HUWE1: variants seen among roughly 807,000 people sequenced by gnomAD.
The protein encoded by HUWE1 is HECT, UBA and WWE domain containing E3 ubiquitin protein ligase 1, also known as E3 ubiquitin-protein ligase HUWE1.
Under a neutral mutation model 299.4 loss-of-function variants are expected in HUWE1, and 18 were observed. The observed-to-expected ratio is 0.06, with a 90% CI of 0.04 to 0.09. HUWE1 has a LOEUF of 0.09. HUWE1 is among the 10% of genes least tolerant of loss of function. HUWE1 has a pLI of 1.00. For synonymous variants in HUWE1, 1,317 were observed against 1,286.1 expected (o/e 1.02, Z -0.51); for missense variants, 1,832 against 3,462.3 (o/e 0.53, Z 11.82).
At position 53,534,391 on chromosome X, in the gene HUWE1, T is replaced by C. The variant is rs2060910801; in HGVS notation, c.12831+125A>G. The C allele has an allele frequency of 7.2e-6, 5 of 693,344 alleles. No homozygotes were observed. The East Asian group carries it at 1.7e-4, about 23-fold the overall frequency. The allele number at this position is 693,344 out of a possible 1,213,427, so 57.1% of individuals were successfully genotyped here. The stretch of plus-strand genomic sequence containing the variant: ...TGCTTCAGGAGAACAAAGAGTTAGA[T>C]ATAGGTAGACTGTCTTCTACATGCA... On this transcript the variant is annotated intron_variant, in intron 82 of 83. Transcript: ENST00000262854.
At chrX:53,614,059 G>A (rs1272209353) in intron 23 of HUWE1, among the ~76,000 whole-genome samples, 1 of 111,225 alleles carries the variant, frequency 9.0e-6, no homozygotes, top group African/African-American at 3.3e-5. Context: ...GACGTCGGGA[G>A]TTTGAGATTA....
intron 50 of HUWE1, 150 bp downstream of exon 50, chrX:53,564,917 C>T: frequency 1.3e-6 from 1 of 797,858 alleles, no homozygotes; most frequent in Non-Finnish European, 1.9e-6. Context: ...TGAAGGAATT[C>T]TTTGTGGGGC....
At position 53,584,238 on chromosome X, in the gene HUWE1, C is replaced by A; in HGVS notation, c.5109G>T (p.Thr1703=). 1.7e-6 allele frequency: 2 copies of A among 1,207,757 alleles called. No homozygotes were observed. The highest frequency in any genetic ancestry group is 2.2e-6 in the Non-Finnish European group (2 of 891,964). ...KNSNGQELEK[T]LEESKEMDIK... is the part of the protein sequence containing the mutation. ...TATCCATTTCTTTGCTTTCTTCCAG[C>A]GTCTTCTCTAGTTCCTGTCCATTGC... Residue 1703 remains threonine (T), a synonymous_variant, in exon 41 of 84, where the codon ACG becomes ACT. Transcript: ENST00000262854.
At position 53,590,891 on chromosome X, in the gene HUWE1, T is replaced by C. The variant is rs1345989936; in HGVS notation, c.4095+109A>G. 8 of 961,224 alleles carry C rather than the reference T, an allele frequency of 8.3e-6. No individual in the cohort carries two copies. The African/African-American group carries it at 1.3e-4, about 16-fold the overall frequency. 79.2% of individuals were successfully genotyped at this position (961,224 alleles called of 1,213,427 possible). On this transcript the variant is annotated intron_variant, in intron 34 of 83. Coordinates refer to ENST00000262854, the MANE Select transcript of HUWE1 (RefSeq NM_031407.7). ...ATACTGGCATGGACATGTCTGAAAA[T>C]GAGAAGCAGTTTATAGAAAGGAAGA...
intron 39 of HUWE1, among the ~76,000 whole-genome samples, chrX:53,585,702 G>A (rs2063825226): frequency 9.0e-6 from 1 of 111,640 alleles, no homozygotes; most frequent in Non-Finnish European, 1.9e-5. Flanking sequence ...TTTTTTTGGA[G>A]ACAGGGTCTG....
chrX:53,577,755 C>T (rs868970018), intron 43 of HUWE1, among the ~76,000 whole-genome samples: 471 of 114,459 alleles, frequency 4.1e-3, no homozygotes, highest in African/African-American at 0.014. Context: ...AGCTCCTAAC[C>T]GCGAGTGATC....
chrX:53,628,464 TAAAAA>T, intron 15 of HUWE1, 24 bp downstream of exon 15: 3 of 1,054,706 alleles, frequency 2.8e-6, no homozygotes, highest in Admixed American at 6.8e-5. Flanking sequence ...CCATGTAGTT[TAAAAA>T]AAAAAAAAAA....
At position 53,536,243 on chromosome X, in the gene HUWE1, A is replaced by G; in HGVS notation, c.12435T>C (p.Asp4145=). 1 of 1,177,834 alleles carries G rather than the reference A, an allele frequency of 8.5e-7. No individual in the cohort carries two copies. Residue 4145 remains aspartate (D), a synonymous_variant, in exon 80 of 84, where the codon GAT becomes GAC. Transcript: ENST00000262854. ...HILGKSVRYT[D]MESEDYHFYQ... ...AGAAGTGGTAATCTTCACTCTCCAT[A>G]TCTGTATATCTAGAAAAACACAATT... is the stretch of plus-strand genomic sequence containing the variant.
chrX:53,607,458 A>G (rs1193257534), intron 25 of HUWE1, 65 bp downstream of exon 25: 6 of 1,010,049 alleles, frequency 5.9e-6, no homozygotes, highest in Non-Finnish European at 8.4e-6. Context: ...AAAAACATAT[A>G]TACAGAAGTA....
intron 4 of HUWE1, among the ~76,000 whole-genome samples, chrX:53,651,551 T>C (rs1156918021): frequency 4.5e-5 from 5 of 112,138 alleles, no homozygotes; most frequent in African/African-American, 1.6e-4. Flanking sequence ...TCGATGTAAA[T>C]AGCTGTTACA....
intron 17 of HUWE1, among the ~76,000 whole-genome samples, chrX:53,626,269 C>T (rs782712500): frequency 8.6e-5 from 9 of 104,503 alleles, no homozygotes; most frequent in African/African-American, 2.9e-4. Flanking sequence ...ATTAACAATC[C>T]TACAGAAGTC....
At chrX:53,589,512 A>G (rs782435679) in intron 36 of HUWE1, 35 bp downstream of exon 36, 4 of 1,198,500 alleles carry the variant, frequency 3.3e-6, no homozygotes, top group Middle Eastern at 2.3e-4. Context: ...AAACCACTTC[A>G]CATACTCCCC....
At chrX:53,600,071 T>C (rs1211410201) in intron 29 of HUWE1, 47 bp downstream of exon 29, 8 of 1,098,832 alleles carry the variant, frequency 7.3e-6, no homozygotes, top group Non-Finnish European at 8.8e-6. Context: ...GTTTCAAGAC[T>C]AAGGGACTGA....
rs143108437 is a variant in HUWE1 at position 53,551,968 on chromosome X, T to C, written c.8881+343A>G. 1.9e-3 allele frequency among the ~76,000 whole-genome samples: 216 copies of C among 111,853 alleles called. 2 individuals carry two copies. Among genetic ancestry groups the C allele is most frequent in the Non-Finnish European group, 3.7e-3 (195 of 53,150 alleles). ...CCTGGGCTCAGAACAGCTTTTGTTA[T>C]TTGCTAGACTGCATGCACTGTTACT... On this transcript the variant is annotated intron_variant, in intron 63 of 83. Coordinates refer to ENST00000262854, the MANE Select transcript of HUWE1 (RefSeq NM_031407.7).
At position 53,686,272 on chromosome X, in the gene HUWE1, C is replaced by T. The variant is rs954171709; in HGVS notation, c.-165G>A. 2.6e-5 allele frequency: 3 copies of T among 113,322 alleles called. No homozygotes were observed. The highest frequency in any genetic ancestry group is 5.6e-5 in the Non-Finnish European group (3 of 53,332). 9.3% of individuals were successfully genotyped at this position (113,322 alleles called of 1,213,427 possible). A position where few individuals can be genotyped will look rare whatever the true frequency, so the allele number is the denominator to read the frequency against. ...TTGGCCATGGCTAATGCCGGTACCT[C>T]GCATCCCCTCTGTCAGCCGCTCTCT... On this transcript the variant is annotated splice_region_variant and 5_prime_UTR_variant, in exon 2 of 84. Transcript: ENST00000262854.
At chrX:53,630,751 G>A (rs1161813116) in intron 12 of HUWE1, 184 bp downstream of exon 12, 10 of 395,165 alleles carry the variant, frequency 2.5e-5, no homozygotes, top group African/African-American at 1.6e-4. Context: ...CCTCTTTCTC[G>A]TCCAACATTA....
chrX:53,654,229 A>G, intron 3 of HUWE1, 98 bp from the exon 4 acceptor site: 1 of 557,100 alleles, frequency 1.8e-6, no homozygotes, highest in East Asian at 3.7e-5. Context: ...GAGCAATGCA[A>G]AATGCTTAAA....
intron 12 of HUWE1, 150 bp downstream of exon 12, chrX:53,630,785 A>G: frequency 2.1e-6 from 1 of 470,124 alleles, no homozygotes; most frequent in East Asian, 3.7e-5. Flanking sequence ...TAATGAATAA[A>G]TACAGTGAAC....
chrX:53,634,855 A>G (rs1557025423), intron 7 of HUWE1, among the ~76,000 whole-genome samples: 1 of 112,460 alleles, frequency 8.9e-6, no homozygotes, highest in Non-Finnish European at 1.9e-5. Context: ...CTCATCAACA[A>G]GCTCCTGAGA....
Sources: allele counts gnomAD v4.1 joint callset (sites outside exome capture counted in the v4.1 genomes callset), GRCh38; gene constraint gnomAD v4.1.1; transcripts MANE v1.5; gene names NCBI Gene and HGNC (gene_info 2026-07-23, HGNC 2026-07-21).